Variants in LAMA2 observed in about 807,000 individuals in gnomAD.
LAMA2 encodes the protein laminin subunit alpha-2.
In LAMA2, 269 loss-of-function variants were observed where a neutral mutation model predicts 364.8. That is an observed-to-expected ratio of 0.74 (90% CI 0.67 to 0.82). The LOEUF is 0.82. Among genes scored for constraint, LAMA2 ranks in the 40% least tolerant of loss-of-function variants. The probability of loss-of-function intolerance (pLI) is 0.00; values close to 1 mark genes in which losing one functional copy is unlikely to be tolerated. For synonymous variants in LAMA2, 1,379 were observed against 1,370.6 expected (o/e 1.01, Z -0.14); for missense variants, 3,807 against 3,873.2 (o/e 0.98, Z 0.45).
chr6:129,078,132 AT>A (rs10711821), intron 3 of LAMA2, among the ~76,000 whole-genome samples: 133,388 of 145,038 alleles, frequency 0.92, 61,282 homozygotes, highest in East Asian at 0.97. Context: ...AAATCTCTGT[AT>A]TTTTTTTTTT....
chr6:129,494,638 A>G (rs186205304), intron 58 of LAMA2, among the ~76,000 whole-genome samples: 2 of 152,316 alleles, frequency 1.3e-5, no homozygotes, highest in East Asian at 3.9e-4. Context: ...CACAAAGGAA[A>G]ATACCTAAGA....
rs758950006 is a variant in LAMA2 at position 129,391,580 on chromosome 6, A to C, written c.5161A>C (p.Ile1721Leu). Residue 1721 changes from isoleucine (I) to leucine (L), a missense_variant, in exon 36 of 65, where the codon ATT (isoleucine) becomes CTT (leucine). Physicochemically the swap from Ile to Leu is conservative, Grantham distance 5. Around this residue, in one of 3 missense-constraint regions of LAMA2, gnomAD observed 3,333 missense variants for 3,345.7 expected, o/e 1.00. Coordinates refer to ENST00000421865, the MANE Select transcript of LAMA2 (RefSeq NM_000426.4). Reference protein sequence around the residue: ...ERNLEGLQKEIDQMIKELRRK... With the variant: ...ERNLEGLQKELDQMIKELRRK... ...AAATTTGGAAGGGCTTCAGAAAGAG[A>C]TTGACCAGATGATTAAAGAACTGAG... 1.2e-6 allele frequency: 2 copies of C among 1,613,864 alleles called. No homozygotes were observed.
intron 35 of LAMA2, among the ~76,000 whole-genome samples, chr6:129,390,954 A>C (rs1779283420): frequency 6.6e-6 from 1 of 152,088 alleles, no homozygotes; most frequent in Non-Finnish European, 1.5e-5. Context: ...CCCTTCTCCT[A>C]GAAGGGTTAT....
At chr6:129,465,311 G>A (rs967180470) in intron 51 of LAMA2, 22 bp downstream of exon 51, 2 of 1,578,428 alleles carry the variant, frequency 1.3e-6, no homozygotes, top group African/African-American at 2.7e-5. Context: ...CAGTAATAAT[G>A]CAATATAGGC....
intron 47 of LAMA2, among the ~76,000 whole-genome samples, chr6:129,455,833 G>A (rs1782932982): frequency 6.6e-6 from 1 of 152,052 alleles, no homozygotes; most frequent in Non-Finnish European, 1.5e-5. Context: ...AACAAACTGG[G>A]ATCCAAGATA....
At chr6:128,971,856 G>T (rs1782208503) in intron 1 of LAMA2, among the ~76,000 whole-genome samples, 1 of 152,162 alleles carries the variant, frequency 6.6e-6, no homozygotes, top group Non-Finnish European at 1.5e-5. Flanking sequence ...AGGGGCAGGG[G>T]GAAGTGCAAG....
chr6:129,381,836 A>T (rs901069731), intron 34 of LAMA2, among the ~76,000 whole-genome samples: 6 of 152,222 alleles, frequency 3.9e-5, no homozygotes, highest in African/African-American at 1.2e-4. Context: ...TTATCCTTTC[A>T]TCCTTTCATT....
chr6:128,964,918 C>G (rs752129576), intron 1 of LAMA2, among the ~76,000 whole-genome samples: 1 of 151,918 alleles, frequency 6.6e-6, no homozygotes, highest in African/African-American at 2.4e-5. Flanking sequence ...ATTTTATAAA[C>G]TGGCTTGGTA....
intron 4 of LAMA2, among the ~76,000 whole-genome samples, chr6:129,118,466 G>A (rs1369590974): frequency 6.6e-6 from 1 of 152,138 alleles, no homozygotes. Flanking sequence ...GATAGCATAT[G>A]TGCATATCCT....
chr6:129,415,286 A>G (rs1019961252), intron 40 of LAMA2, among the ~76,000 whole-genome samples: 1 of 151,064 alleles, frequency 6.6e-6, no homozygotes, highest in African/African-American at 2.4e-5. Flanking sequence ...TCCTTAAAGG[A>G]CTCCCTTTGA....
At chr6:129,226,737 C>T (rs1472781336) in intron 12 of LAMA2, among the ~76,000 whole-genome samples, 3 of 152,142 alleles carry the variant, frequency 2.0e-5, no homozygotes, top group South Asian at 2.1e-4. Flanking sequence ...GAGGGTAACC[C>T]GACCTTTCTC....
chr6:129,443,256 G>A (rs1782207690), intron 44 of LAMA2, among the ~76,000 whole-genome samples, 188 bp downstream of exon 44: 1 of 152,114 alleles, frequency 6.6e-6, no homozygotes, highest in Non-Finnish European at 1.5e-5. Flanking sequence ...GGTCATATGT[G>A]GATAAAGGTG....
rs568796519 is a variant in LAMA2, at chr6:129,232,797, G to A, written c.1783-17315G>A. Among the ~76,000 whole-genome samples the A allele has an allele frequency of 8.7e-4, 133 of 152,244 alleles. 1 individual carries two copies. The highest frequency in any genetic ancestry group is 9.0e-4 in the Non-Finnish European group (61 of 67,988). On this transcript the variant is annotated intron_variant, in intron 12 of 64. Coordinates refer to ENST00000421865, the MANE Select transcript of LAMA2 (RefSeq NM_000426.4). ...TGATCCTGCGTTATCCAGGTGGACC[G>A]AATCCAGTCACATGAGACCTTAAAA...
At chr6:129,279,981 A>T in intron 17 of LAMA2, 80 bp from the exon 18 acceptor site, 2 of 915,014 alleles carry the variant, frequency 2.2e-6, no homozygotes, top group Non-Finnish European at 3.6e-6. Flanking sequence ...AGTAGTGGAG[A>T]GAGAGAAATG....
At chr6:129,032,306 T>G (rs1424789257) in intron 1 of LAMA2, among the ~76,000 whole-genome samples, 4 of 152,216 alleles carry the variant, frequency 2.6e-5, no homozygotes, top group African/African-American at 4.8e-5. Flanking sequence ...TAATCAGTGC[T>G]ATGCAAGAAA....
intron 1 of LAMA2, among the ~76,000 whole-genome samples, chr6:128,920,712 T>C (rs1778652768): frequency 6.6e-6 from 1 of 150,806 alleles, no homozygotes; most frequent in Non-Finnish European, 1.5e-5. Context: ...TATATATGCA[T>C]ATATATGCAC....
intron 15 of LAMA2, among the ~76,000 whole-genome samples, chr6:129,265,298 C>A (rs1410383177): frequency 6.6e-6 from 1 of 152,086 alleles, no homozygotes; most frequent in Non-Finnish European, 1.5e-5. Context: ...AAGTTAAAAT[C>A]ACTGGCTAAA....
intron 19 of LAMA2, among the ~76,000 whole-genome samples, chr6:129,290,657 T>C (rs187248348): frequency 6.6e-6 from 1 of 152,290 alleles, no homozygotes; most frequent in African/African-American, 2.4e-5. Context: ...CCTCCTTGTA[T>C]TTTTATTCTG....
At chr6:129,129,856 G>C (rs796524341) in intron 4 of LAMA2, among the ~76,000 whole-genome samples, 11 of 148,380 alleles carry the variant, frequency 7.4e-5, no homozygotes, top group African/African-American at 2.7e-4. Flanking sequence ...CCCGGGAGGC[G>C]GAGCTTGCAG....
Sources: gnomAD v4.1 joint callset for allele counts (sites outside exome capture counted in the v4.1 genomes callset) on GRCh38, gnomAD v4.1.1 for gene constraint, gnomAD v4.1.1 regional missense constraint, MANE v1.5 for transcripts, NCBI Gene and HGNC (gene_info 2026-07-23, HGNC 2026-07-21) for gene names.